The following ADCY9 variants were observed in gnomAD, a reference collection of about 807,000 sequenced individuals.
ADCY9 encodes the protein adenylate cyclase 9, also known as adenylate cyclase type 9.
ADCY9 carries 50 observed loss-of-function variants against 101.5 expected under a neutral mutation model. The ratio of observed to expected loss-of-function variants is 0.49; its 90% CI spans 0.39 to 0.62. ADCY9 has a LOEUF of 0.62. Ranked by LOEUF, ADCY9 falls within the 20% of genes least tolerant of loss-of-function variation. The probability of loss-of-function intolerance (pLI) is 0.00; values close to 1 mark genes in which losing one functional copy is unlikely to be tolerated. For synonymous variants in ADCY9, 905 were observed against 769.3 expected (o/e 1.18, Z -2.92); for missense variants, 1,662 against 1,800.4 (o/e 0.92, Z 1.39).
intron 6 of ADCY9, among the ~76,000 whole-genome samples, chr16:3,985,899 T>A (rs1260880527): frequency 6.6e-6 from 1 of 151,936 alleles, no homozygotes; most frequent in Non-Finnish European, 1.5e-5. Flanking sequence ...CCCCTGTGCA[T>A]CCCGGGAGTG....
At chr16:4,040,295 G>A (rs549764358) in intron 2 of ADCY9, among the ~76,000 whole-genome samples, 9 of 152,028 alleles carry the variant, frequency 5.9e-5, no homozygotes, top group East Asian at 5.8e-4. Flanking sequence ...AGTTTGTTGC[G>A]GTGAGGTTGG....
In ADCY9 at chr16:4,074,874, C is replaced by G. The variant is rs144191209; in HGVS notation, c.1693+38876G>C. Among the ~76,000 whole-genome samples, 896 of 152,144 alleles carry G rather than the reference C, an allele frequency of 5.9e-3. 7 individuals are homozygous for G. Among genetic ancestry groups the G allele is most frequent in the Non-Finnish European group, 8.3e-3 (561 of 67,994 alleles). The stretch of plus-strand genomic sequence containing the variant: ...CAAAGATTTATTGAAAGTTGTTACA[C>G]TTTTAAGTACTACTTTATGGCCGGG... On this transcript the variant is annotated intron_variant, in intron 2 of 10. Coordinates refer to ENST00000294016, the MANE Select transcript of ADCY9 (RefSeq NM_001116.4).
At chr16:3,984,577 G>C (rs1220611415) in intron 6 of ADCY9, among the ~76,000 whole-genome samples, 2 of 152,206 alleles carry the variant, frequency 1.3e-5, no homozygotes, top group Non-Finnish European at 1.5e-5. Flanking sequence ...GCTACCCCTA[G>C]GGCACACAGC....
downstream of ADCY9, among the ~76,000 whole-genome samples, chr16:3,960,290 C>G (rs2055930699): frequency 6.6e-6 from 1 of 152,046 alleles, no homozygotes; most frequent in Admixed American, 6.6e-5. Flanking sequence ...GAGGCTGAGG[C>G]AAGTGGATCA....
intron 2 of ADCY9, among the ~76,000 whole-genome samples, chr16:4,020,825 C>CAAA (rs34374759): frequency 7.2e-6 from 1 of 138,602 alleles, no homozygotes; most frequent in Non-Finnish European, 1.5e-5. Flanking sequence ...GACTCCGTCT[C>CAAA]AAAAAAAAAA....
intron 2 of ADCY9, among the ~76,000 whole-genome samples, chr16:4,104,746 T>C (rs1459372778): frequency 1.3e-5 from 2 of 152,222 alleles, no homozygotes; most frequent in East Asian, 3.8e-4. Context: ...TTTTTCAACA[T>C]ATTGCAACAA....
At chr16:4,086,008 G>A (rs138149962) in intron 2 of ADCY9, among the ~76,000 whole-genome samples, 1 of 152,004 alleles carries the variant, frequency 6.6e-6, no homozygotes, top group East Asian at 1.9e-4. Context: ...TAAAAAATGA[G>A]AAAGACTCCG....
chr16:4,106,086 C>G (rs2057075149), intron 2 of ADCY9, among the ~76,000 whole-genome samples: 1 of 152,206 alleles, frequency 6.6e-6, no homozygotes, highest in African/African-American at 2.4e-5. Flanking sequence ...TGAGCCTTCC[C>G]ACTTAACTCC....
chr16:4,108,976 G>T (rs2057097154), intron 2 of ADCY9, among the ~76,000 whole-genome samples: 1 of 152,178 alleles, frequency 6.6e-6, no homozygotes, highest in South Asian at 2.1e-4. Flanking sequence ...AAAGTGTTGA[G>T]ATTACAGGCA....
chr16:3,967,908 G>A (rs1207679141), intron 10 of ADCY9, among the ~76,000 whole-genome samples: 9 of 151,910 alleles, frequency 5.9e-5, no homozygotes, highest in African/African-American at 2.2e-4. Context: ...ATGTTGGCCA[G>A]GCTGGTCTCA....
At chr16:4,000,462 C>G (rs12924035) in intron 3 of ADCY9, among the ~76,000 whole-genome samples, 8,094 of 152,146 alleles carry the variant, frequency 0.053, 281 homozygotes, top group Non-Finnish European at 0.085. Context: ...AGGTTAGGTA[C>G]GGGCATAAGT....
At chr16:4,019,139 CT>C (rs1205222625) in intron 2 of ADCY9, among the ~76,000 whole-genome samples, 2 of 152,012 alleles carry the variant, frequency 1.3e-5, no homozygotes, top group African/African-American at 2.4e-5. Context: ...CCAAGCCCAC[CT>C]TCTTTTAAAA....
intron 2 of ADCY9, among the ~76,000 whole-genome samples, chr16:4,059,572 G>T (rs549872321): frequency 6.8e-4 from 103 of 152,074 alleles, no homozygotes; most frequent in African/African-American, 2.2e-3. Context: ...ATCAACCAAA[G>T]ACATACAAAA....
chr16:4,006,355 C>T (rs574526005), intron 3 of ADCY9, among the ~76,000 whole-genome samples: 5 of 152,214 alleles, frequency 3.3e-5, no homozygotes, highest in East Asian at 1.9e-4. Flanking sequence ...CCGCGATCCA[C>T]GAGCGGAGTT....
rs997201258 is a variant in ADCY9, at chr16:3,966,368, G to A, written c.3469C>T (p.Leu1157=). The A allele has an allele frequency of 6.8e-6, 11 of 1,614,004 alleles. No homozygotes were observed. Among genetic ancestry groups the A allele is most frequent in the Non-Finnish European group, 9.3e-6 (11 of 1,180,058 alleles). The change falls in exon 11 of 11, where the codon CTG becomes TTG. Residue 1157 remains leucine (L), a synonymous_variant. Coordinates refer to ENST00000294016, the MANE Select transcript of ADCY9 (RefSeq NM_001116.4). The stretch of plus-strand genomic sequence containing the variant: ...ACGCGGAGCTTGAAGTTGAACCACA[G>A]CATGTTGTTGTTGAAGTCGTCCACC... ...RVVDDFNNNM[L]WFNFKLRVGF...
intron 6 of ADCY9, among the ~76,000 whole-genome samples, chr16:3,988,399 G>A (rs1438881386): frequency 3.3e-5 from 5 of 151,440 alleles, no homozygotes; most frequent in Non-Finnish European, 5.9e-5. Flanking sequence ...CAGGTGGGAC[G>A]GGGGCTCTTC....
intron 5 of ADCY9, among the ~76,000 whole-genome samples, chr16:3,955,715 A>AT (rs1485593854): frequency 1.3e-5 from 2 of 151,770 alleles, no homozygotes; most frequent in East Asian, 1.9e-4. Context: ...CGCCCAGCTA[A>AT]TTTTTTTGTA....
At position 3,983,261 on chromosome 16, in the gene ADCY9, C is replaced by T. The variant is rs769123625; in HGVS notation, c.2490G>A (p.Leu830=). The T allele has an allele frequency of 1.2e-5, 18 of 1,552,380 alleles. No homozygotes were observed. The South Asian group carries it at 1.7e-4, about 14-fold the overall frequency. Residue 830 remains leucine, a synonymous_variant, in exon 7 of 11, where the codon CTG becomes CTA. Coordinates refer to ENST00000294016, the MANE Select transcript of ADCY9 (RefSeq NM_001116.4). The part of the protein sequence containing the change: ...ALAVFSAALL[L]EVLSLAVSIR... Reference sequence around the variant, plus strand: ...TGGACACCGCGAGGGACAGCACCTCCAGCAGCAGGGCTGCACTGAAGACCG... The same window carrying T: ...TGGACACCGCGAGGGACAGCACCTCTAGCAGCAGGGCTGCACTGAAGACCG...
At chr16:4,095,976 CAA>C (rs56897380) in intron 2 of ADCY9, among the ~76,000 whole-genome samples, 17,247 of 115,120 alleles carry the variant, frequency 0.15, 1,145 homozygotes, top group African/African-American at 0.23. Context: ...GACTCTATCT[CAA>C]AAAAAAAAAA....
Sources: allele counts gnomAD v4.1 joint callset (sites outside exome capture counted in the v4.1 genomes callset), GRCh38; gene constraint gnomAD v4.1.1; transcripts MANE v1.5; gene names NCBI Gene and HGNC (gene_info 2026-07-23, HGNC 2026-07-21).